CHMP3: variants seen among roughly 807,000 people sequenced by gnomAD.
The protein encoded by CHMP3 is 25.1 protein.
CHMP3 carries 8 observed loss-of-function variants against 27.4 expected under a neutral mutation model. The observed-to-expected ratio is 0.29, with a 90% confidence interval of 0.17 to 0.53. CHMP3 has a LOEUF of 0.53. CHMP3 is among the 20% of genes least tolerant of loss of function. CHMP3 has a pLI of 0.96. For synonymous variants in CHMP3, 86 were observed against 85.5 expected, an observed-to-expected ratio of 1.01 and a Z score of -0.03; for missense variants, 208 against 271.5, an observed-to-expected ratio of 0.77 and a Z score of 1.64.
At chr2:86,534,196 C>CTTTTT (rs33977886) in intron 2 of CHMP3, among the ~76,000 whole-genome samples, 1 of 66,902 alleles carries the variant, frequency 1.5e-5, no homozygotes, top group Non-Finnish European at 2.7e-5. Flanking sequence ...TGCTTTATTT[C>CTTTTT]TTTTTTTTTT....
chr2:86,542,126 A>G (rs1676383449), intron 2 of CHMP3, 126 bp downstream of exon 2: 2 of 947,834 alleles, frequency 2.1e-6, no homozygotes, highest in South Asian at 1.7e-5. Context: ...AATCAGTCAG[A>G]CAGCTATAAA....
rs150068487 is a variant in CHMP3 at position 86,556,980 on chromosome 2, G to C, written c.45+6324C>G. On this transcript the variant is annotated intron_variant, in intron 1 of 5. Transcript: ENST00000263856. The stretch of plus-strand genomic sequence containing the variant: ...CCTGAGAAAGTTCAACATTATGCCA[G>C]CCCAGTGGATGATAGAGAATAAACA... Among the ~76,000 whole-genome samples, 111 of 152,310 alleles carry C rather than the reference G, an allele frequency of 7.3e-4. 2 individuals are homozygous for C. The highest frequency in any genetic ancestry group is 2.6e-3 in the African/African-American group (110 of 41,560).
At position 86,503,513 on chromosome 2, in the gene CHMP3, A is replaced by G. The variant is rs759079634; in HGVS notation, c.*2291T>C. The G allele has an allele frequency of 6.6e-6, 1 of 152,268 alleles. No individual in the cohort carries two copies. Among genetic ancestry groups the G allele is most frequent in the Non-Finnish European group, 1.5e-5 (1 of 68,048 alleles). 9.4% of individuals were successfully genotyped at this position (152,268 alleles called of 1,614,324 possible). On this transcript the variant is annotated 3_prime_UTR_variant, in exon 6 of 6. Transcript: ENST00000263856. ...GAAAAACCTGCACAAAGATGTTTAC[A>G]ACAGCTTTATTCATAATTGCCAAAA...
chr2:86,561,735 AAG>A (rs1677378964), intron 1 of CHMP3: 1 of 152,208 alleles, frequency 6.6e-6, no homozygotes, highest in Non-Finnish European at 1.5e-5. Flanking sequence ...TACCCTACTG[AAG>A]AGTGTACCAA....
intron 2 of CHMP3, 106 bp from the exon 3 acceptor site, chr2:86,529,503 TAGA>T (rs1675833151): frequency 9.4e-7 from 1 of 1,064,988 alleles, no homozygotes; most frequent in Admixed American, 3.7e-5. Flanking sequence ...GAAAAACATA[TAGA>T]AGGATATACA....
chr2:86,545,908 A>G (rs1175969880), intron 1 of CHMP3, among the ~76,000 whole-genome samples: 1 of 151,366 alleles, frequency 6.6e-6, no homozygotes, highest in Non-Finnish European at 1.5e-5. Flanking sequence ...GGCTCCTCAC[A>G]TCCCAGAGGA....
In CHMP3 at chr2:86,548,234, A is replaced by C. The variant is rs544820694; in HGVS notation, c.46-5922T>G. On this transcript the variant is annotated intron_variant, in intron 1 of 5. Coordinates refer to ENST00000263856, the MANE Select transcript of CHMP3 (RefSeq NM_016079.4). ...TTGATCATTCTTGGGTGTTTCTCAA[A>C]GAGGGGGATGTGGCAGGGTCATAGG... Among the ~76,000 whole-genome samples the C allele has an allele frequency of 5.4e-5, 8 of 149,282 alleles. No homozygotes were observed. The East Asian group carries it at 1.4e-3, about 26-fold the overall frequency.
intron 1 of CHMP3, among the ~76,000 whole-genome samples, chr2:86,559,281 CT>C (rs1677253318): frequency 6.6e-6 from 1 of 152,232 alleles, no homozygotes; most frequent in Non-Finnish European, 1.5e-5. Context: ...GACTCTGGGA[CT>C]TCCATCAGTG....
At chr2:86,523,455 A>G (rs939353954) in intron 3 of CHMP3, among the ~76,000 whole-genome samples, 4 of 152,118 alleles carry the variant, frequency 2.6e-5, no homozygotes, top group Non-Finnish European at 1.5e-5. Context: ...AATCATCTGC[A>G]ATTTACCCCA....
At chr2:86,547,141 T>A (rs925154745) in intron 1 of CHMP3, among the ~76,000 whole-genome samples, 16 of 152,192 alleles carry the variant, frequency 1.1e-4, no homozygotes, top group Non-Finnish European at 2.2e-4. Flanking sequence ...GGAGAGCTCA[T>A]TATACTTATG....
At position 86,504,515 on chromosome 2, in the gene CHMP3, T is replaced by G. The variant is rs1473625499; in HGVS notation, c.*1289A>C. The G allele has an allele frequency of 6.9e-5, 10 of 144,748 alleles. No individual in the cohort carries two copies. The highest frequency in any genetic ancestry group is 1.5e-4 in the Non-Finnish European group (10 of 66,062). 9.0% of individuals were successfully genotyped at this position (144,748 alleles called of 1,614,324 possible). ...CAAAAATGAAATTTTTTTTTTTTTT[T>G]TTTTTTTTTTTTGGAGAGACAGGAT... On this transcript the variant is annotated 3_prime_UTR_variant, in exon 6 of 6. Transcript: ENST00000263856.
intron 1 of CHMP3, among the ~76,000 whole-genome samples, chr2:86,547,136 G>A (rs1676642597): frequency 6.6e-6 from 1 of 152,154 alleles, no homozygotes; most frequent in South Asian, 2.1e-4. Context: ...CTTTTGGAGA[G>A]CTCATTATAC....
intron 1 of CHMP3, among the ~76,000 whole-genome samples, chr2:86,544,400 G>A (rs1676482246): frequency 6.6e-6 from 1 of 150,450 alleles, no homozygotes; most frequent in East Asian, 2.0e-4. Flanking sequence ...AGAGGGGGAT[G>A]TGGCAGGGTC....
In CHMP3 at chr2:86,563,307, T is replaced by G; in HGVS notation, c.42A>C (p.Glu14Asp). The change falls in exon 1 of 6, where the codon GAA becomes GAC. Residue 14 changes from glutamate (E) to aspartate (D), a missense_variant. Physicochemically the swap from Glu to Asp is conservative, Grantham distance 45 (BLOSUM62 2). This residue lies in a region of CHMP3 where 52 missense variants were observed against 43.5 expected (regional missense o/e 1.19). Transcript: ENST00000263856. ...CTGCCGCCGCCGTAGCCCTTACCAGTTCTTTGGGCGGCTTCTCCTGGGTCT... is the reference window on the plus strand; with the variant it reads ...CTGCCGCCGCCGTAGCCCTTACCAGGTCTTTGGGCGGCTTCTCCTGGGTCT... Reference protein sequence around the residue: ...FGKTQEKPPKELVNEWSLKIR... With the variant: ...FGKTQEKPPKDLVNEWSLKIR... The G allele has an allele frequency of 6.2e-7, 1 of 1,613,992 alleles. No individual in the cohort carries two copies. The highest frequency in any genetic ancestry group is 8.5e-7 in the Non-Finnish European group (1 of 1,179,906).
At chr2:86,533,790 C>T (rs1055517380) in intron 2 of CHMP3, among the ~76,000 whole-genome samples, 1 of 152,146 alleles carries the variant, frequency 6.6e-6, no homozygotes, top group Non-Finnish European at 1.5e-5. Context: ...AGCCACCACA[C>T]CTGGCCTTCA....
intron 1 of CHMP3, among the ~76,000 whole-genome samples, chr2:86,550,543 A>T (rs1174373922): frequency 6.6e-6 from 1 of 152,242 alleles, no homozygotes; most frequent in African/African-American, 2.4e-5. Context: ...GAAATTAAGA[A>T]TTTTTATTCA....
chr2:86,562,318 A>T (rs1677404593), intron 1 of CHMP3: 1 of 152,034 alleles, frequency 6.6e-6, no homozygotes, highest in African/African-American at 2.4e-5. Context: ...GTTGCAGAGC[A>T]GTGCTTCTCA....
intron 2 of CHMP3, 31 bp from the exon 3 acceptor site, chr2:86,529,428 G>T: frequency 6.5e-7 from 1 of 1,533,598 alleles, no homozygotes; most frequent in Non-Finnish European, 8.8e-7. Context: ...CAAAAATCAA[G>T]GGTAAGTCAG....
intron 1 of CHMP3, among the ~76,000 whole-genome samples, chr2:86,546,583 G>A (rs369057940): frequency 1.7e-4 from 26 of 151,912 alleles, no homozygotes; most frequent in African/African-American, 4.8e-4. Flanking sequence ...GATTACAGGC[G>A]CTCACCACCA....
Sources: allele counts gnomAD v4.1 joint callset (sites outside exome capture counted in the v4.1 genomes callset), GRCh38; gene constraint gnomAD v4.1.1; regional missense constraint gnomAD v4.1.1; transcripts MANE v1.5; gene names NCBI Gene and HGNC (gene_info 2026-07-23, HGNC 2026-07-21).